Variants in TMEFF2 observed in about 807,000 individuals in gnomAD.
The protein encoded by TMEFF2 is transmembrane protein with EGF like and two follistatin like domains 2.
In TMEFF2, 28 loss-of-function variants were observed where a neutral mutation model predicts 53.8. The observed-to-expected ratio is 0.52, with a 90% CI of 0.39 to 0.71. The LOEUF (loss-of-function observed/expected upper bound fraction) is 0.71. Ranked by LOEUF, TMEFF2 falls within the 30% of genes least tolerant of loss-of-function variation. The pLI, the probability that TMEFF2 is intolerant of heterozygous loss-of-function variation, is 0.00. For missense variants in TMEFF2, 353 were observed against 455.2 expected, an observed-to-expected ratio of 0.78 and a Z score of 2.04; for synonymous variants, 162 against 166.3, an observed-to-expected ratio of 0.97 and a Z score of 0.20.
intron 5 of TMEFF2, among the ~76,000 whole-genome samples, chr2:192,033,930 C>T (rs980006278): frequency 6.6e-5 from 10 of 151,958 alleles, no homozygotes; most frequent in African/African-American, 2.4e-4. Flanking sequence ...AATCCCAGCA[C>T]TCTGGGAGGC....
intron 4 of TMEFF2, among the ~76,000 whole-genome samples, chr2:192,170,302 A>G (rs1308502405): frequency 6.6e-6 from 1 of 152,092 alleles, no homozygotes; most frequent in Admixed American, 6.6e-5. Flanking sequence ...TTTTTCTGCA[A>G]GTGCTATGTT....
In TMEFF2 at chr2:192,121,403, T is replaced by C. The variant is rs180786745; in HGVS notation, c.439+58265A>G. Reference sequence around the variant, plus strand: ...AAGAGCTAGAGGCAGGAAAAGTCCATTGTGAGCCTAGAGAAGGGAGAGCCA... The same window carrying C: ...AAGAGCTAGAGGCAGGAAAAGTCCACTGTGAGCCTAGAGAAGGGAGAGCCA... On this transcript the variant is annotated intron_variant, in intron 4 of 9. Coordinates refer to ENST00000272771, the MANE Select transcript of TMEFF2 (RefSeq NM_016192.4). 3.2e-3 allele frequency among the ~76,000 whole-genome samples: 486 copies of C among 152,010 alleles called. 2 individuals carry two copies. The highest frequency in any genetic ancestry group is 4.9e-3 in the Non-Finnish European group (330 of 67,980).
chr2:192,157,370 C>G lies in TMEFF2; in HGVS notation c.439+22298G>C, dbSNP rs569598956. 8.1e-4 allele frequency among the ~76,000 whole-genome samples: 123 copies of G among 151,874 alleles called. 1 individual carries two copies. The highest frequency in any genetic ancestry group is 3.4e-3 in the Middle Eastern group (1 of 294). On this transcript the variant is annotated intron_variant, in intron 4 of 9. Transcript: ENST00000272771. ...CATCTGTAAAATAGGAAGAGAAATG[C>G]GTATTACTTAGATTGTTATATATAT...
chr2:192,094,516 G>T (rs1393334681), intron 4 of TMEFF2, among the ~76,000 whole-genome samples: 1 of 149,366 alleles, frequency 6.7e-6, no homozygotes, highest in East Asian at 1.9e-4. Flanking sequence ...GTGTGTGTTT[G>T]TGTGTGTTTG....
intron 7 of TMEFF2, among the ~76,000 whole-genome samples, chr2:191,972,791 A>C (rs1348193137): frequency 6.6e-6 from 1 of 152,038 alleles, no homozygotes; most frequent in Non-Finnish European, 1.5e-5. Context: ...GAAAAATTAG[A>C]AGAAACATTT....
intron 4 of TMEFF2, among the ~76,000 whole-genome samples, chr2:192,086,843 G>A (rs1184906226): frequency 6.6e-6 from 1 of 151,808 alleles, no homozygotes; most frequent in Non-Finnish European, 1.5e-5. Flanking sequence ...ATTTAAACAT[G>A]GTAGGAAAAT....
intron 4 of TMEFF2, among the ~76,000 whole-genome samples, chr2:192,066,028 A>T (rs879327091): frequency 5.3e-5 from 8 of 151,756 alleles, no homozygotes; most frequent in Non-Finnish European, 1.2e-4. Context: ...AGCTGTAGTC[A>T]TATTTTCTTT....
intron 4 of TMEFF2, among the ~76,000 whole-genome samples, chr2:192,141,190 C>T (rs550650525): frequency 5.9e-5 from 9 of 152,100 alleles, no homozygotes; most frequent in East Asian, 1.9e-4. Flanking sequence ...CGGTGGCTCA[C>T]GGCTATAATC....
chr2:192,106,420 A>T (rs1689150102), intron 4 of TMEFF2, among the ~76,000 whole-genome samples: 1 of 151,880 alleles, frequency 6.6e-6, no homozygotes, highest in Admixed American at 6.6e-5. Context: ...TTATTATAGA[A>T]TAAATGTATA....
intron 3 of TMEFF2, among the ~76,000 whole-genome samples, chr2:192,180,170 G>C (rs1342886064): frequency 6.6e-6 from 1 of 151,650 alleles, no homozygotes; most frequent in African/African-American, 2.4e-5. Flanking sequence ...TATGGGTGTT[G>C]ATATGTTTTA....
At chr2:191,961,949 A>G (rs1452003195) in intron 7 of TMEFF2, among the ~76,000 whole-genome samples, 1 of 152,196 alleles carries the variant, frequency 6.6e-6, no homozygotes, top group Non-Finnish European at 1.5e-5. Context: ...AGCTTCTGGG[A>G]CACAGACTCA....
intron 5 of TMEFF2, among the ~76,000 whole-genome samples, chr2:192,056,546 C>CAGT (rs1687915943): frequency 6.6e-6 from 1 of 152,128 alleles, no homozygotes; most frequent in Non-Finnish European, 1.5e-5. Context: ...GGGACGAATA[C>CAGT]AGTAGAAAGC....
intron 5 of TMEFF2, among the ~76,000 whole-genome samples, chr2:192,025,822 T>C (rs1480044520): frequency 1.3e-5 from 2 of 152,168 alleles, no homozygotes; most frequent in Non-Finnish European, 2.9e-5. Flanking sequence ...AAGGGGGAGA[T>C]ACAATGTCTG....
At position 192,009,023 on chromosome 2, in the gene TMEFF2, A is replaced by G. The variant is rs531806470; in HGVS notation, c.537-9815T>C. ...TGGTAAAGTTGCTAGTTTGAAAATA[A>G]TTGGCCACTACATTGTTCAGGTGGC... On this transcript the variant is annotated intron_variant, in intron 5 of 9. Coordinates refer to ENST00000272771, the MANE Select transcript of TMEFF2 (RefSeq NM_016192.4). 1.4e-4 allele frequency among the ~76,000 whole-genome samples: 22 copies of G among 152,316 alleles called. No individual in the cohort carries two copies. In the South Asian group the frequency reaches 1.5e-3, roughly 10 times the overall value.
chr2:192,020,157 T>C (rs1433012333), intron 5 of TMEFF2, among the ~76,000 whole-genome samples: 1 of 152,116 alleles, frequency 6.6e-6, no homozygotes, highest in Non-Finnish European at 1.5e-5. Context: ...TCCCTAGTAT[T>C]GTTGGTTCTT....
chr2:191,993,290 C>CT (rs1210569541), intron 7 of TMEFF2, among the ~76,000 whole-genome samples: 2 of 151,996 alleles, frequency 1.3e-5, no homozygotes, highest in Non-Finnish European at 2.9e-5. Flanking sequence ...TTTCTGATTT[C>CT]TTTCTTCCAC....
chr2:192,079,885 T>C lies in TMEFF2; in HGVS notation c.440-22110A>G, dbSNP rs542892122. ...AAATATGTAAGCTTGAGTACCATGATACATGATAAGTATAAAGATGATTAG... is the reference window on the plus strand; with the variant it reads ...AAATATGTAAGCTTGAGTACCATGACACATGATAAGTATAAAGATGATTAG... On this transcript the variant is annotated intron_variant, in intron 4 of 9. Coordinates refer to ENST00000272771, the MANE Select transcript of TMEFF2 (RefSeq NM_016192.4). 3.9e-5 allele frequency among the ~76,000 whole-genome samples: 6 copies of C among 152,332 alleles called. No homozygotes were observed. In the South Asian group the frequency reaches 1.2e-3, roughly 32 times the overall value.
chr2:192,083,788 CA>C (rs1251652767), intron 4 of TMEFF2, among the ~76,000 whole-genome samples: 2 of 151,314 alleles, frequency 1.3e-5, no homozygotes, highest in Admixed American at 1.3e-4. Context: ...ACTCTTTATT[CA>C]CATATGAAAT....
At chr2:192,062,110 C>T (rs1286377312) in intron 4 of TMEFF2, among the ~76,000 whole-genome samples, 1 of 151,996 alleles carries the variant, frequency 6.6e-6, no homozygotes, top group Non-Finnish European at 1.5e-5. Flanking sequence ...ACACATAGAA[C>T]AACTCTATCA....
Sources: gnomAD v4.1 joint callset for allele counts (sites outside exome capture counted in the v4.1 genomes callset) on GRCh38, gnomAD v4.1.1 for gene constraint, MANE v1.5 for transcripts, NCBI Gene and HGNC (gene_info 2026-07-23, HGNC 2026-07-21) for gene names.